RYR3: variants seen among roughly 807,000 people sequenced by gnomAD.
The protein encoded by RYR3 is brain ryanodine receptor-calcium release channel.
RYR3 carries 207 observed loss-of-function variants against 584.3 expected under a neutral mutation model. The ratio of observed to expected loss-of-function variants is 0.35; its 90% CI spans 0.32 to 0.40. The LOEUF (loss-of-function observed/expected upper bound fraction) is 0.40. Ranked by LOEUF, RYR3 falls within the 10% of genes least tolerant of loss-of-function variation. The probability of loss-of-function intolerance (pLI) is 1.00; values close to 1 mark genes in which losing one functional copy is unlikely to be tolerated. For missense variants in RYR3, 5,616 were observed against 6,089.2 expected, an observed-to-expected ratio of 0.92 and a Z score of 2.59; for synonymous variants, 2,416 against 2,248.5, an observed-to-expected ratio of 1.07 and a Z score of -2.11.
At chr15:33,689,978 G>A (rs2065298416) in intron 38 of RYR3, among the ~76,000 whole-genome samples, 1 of 152,196 alleles carries the variant, frequency 6.6e-6, no homozygotes, top group Non-Finnish European at 1.5e-5. Flanking sequence ...CTAACTTAGA[G>A]GTGGCACGAC....
intron 1 of RYR3, among the ~76,000 whole-genome samples, chr15:33,314,532 C>G (rs185864268): frequency 3.9e-5 from 6 of 152,158 alleles, no homozygotes; most frequent in Non-Finnish European, 5.9e-5. Context: ...AAACACAAAA[C>G]GAAACAAAAC....
chr15:33,815,776 T>A (rs1462634685), intron 74 of RYR3: 1 of 398,006 alleles, frequency 2.5e-6, no homozygotes, highest in Non-Finnish European at 4.4e-6. Context: ...TTTGTTTTAT[T>A]ATGGGAAACT....
At chr15:33,473,087 T>A (rs771807939) in intron 1 of RYR3, among the ~76,000 whole-genome samples, 1 of 152,174 alleles carries the variant, frequency 6.6e-6, no homozygotes, top group Non-Finnish European at 1.5e-5. Context: ...AGAGATTGTA[T>A]AAATTTGCTT....
intron 60 of RYR3, among the ~76,000 whole-genome samples, chr15:33,765,897 A>G (rs537809731): frequency 6.6e-6 from 1 of 152,300 alleles, no homozygotes; most frequent in South Asian, 2.1e-4. Context: ...CCTGTGTAGT[A>G]TGATCTCCAT....
chr15:33,814,551 G>A (rs1399405733), intron 74 of RYR3, among the ~76,000 whole-genome samples: 3 of 152,052 alleles, frequency 2.0e-5, no homozygotes, highest in East Asian at 1.9e-4. Context: ...CTATAACCTC[G>A]TCCTGAGCCA....
At chr15:33,849,841 T>A (rs2090296077) in intron 94 of RYR3, 2 of 152,240 alleles carry the variant, frequency 1.3e-5, no homozygotes, top group Admixed American at 1.3e-4. Context: ...AAAGGAAGCC[T>A]CTTCCCTTAG....
chr15:33,704,834 G>A (rs567630634), intron 42 of RYR3, among the ~76,000 whole-genome samples: 5 of 152,288 alleles, frequency 3.3e-5, no homozygotes, highest in African/African-American at 1.2e-4. Context: ...AGAAATGGGC[G>A]CTTTGGGAAA....
At chr15:33,503,796 C>G (rs2052219749) in intron 3 of RYR3, 58 bp downstream of exon 3, 1 of 968,498 alleles carries the variant, frequency 1.0e-6, no homozygotes, top group African/African-American at 1.6e-5. Context: ...CCCCAAAATA[C>G]GTTCTACATT....
intron 1 of RYR3, among the ~76,000 whole-genome samples, chr15:33,335,596 C>A (rs895871030): frequency 6.6e-6 from 1 of 151,966 alleles, no homozygotes; most frequent in Non-Finnish European, 1.5e-5. Context: ...GTGATGAAAT[C>A]ATCTGTACAG....
chr15:33,765,360 C>T (rs902550402), intron 60 of RYR3, among the ~76,000 whole-genome samples: 5 of 152,062 alleles, frequency 3.3e-5, no homozygotes, highest in African/African-American at 7.2e-5. Context: ...AGGCCAGGCG[C>T]GGTGGCTCAC....
chr15:33,767,726 T>TC (rs2073218989), intron 60 of RYR3, among the ~76,000 whole-genome samples: 2 of 152,196 alleles, frequency 1.3e-5, no homozygotes, highest in Non-Finnish European at 2.9e-5. Context: ...TCTTCTTTTT[T>TC]CCCTCTTTCT....
chr15:33,757,398 A>T (rs1459170529), intron 59 of RYR3, 77 bp from the exon 60 acceptor site: 1 of 1,501,312 alleles, frequency 6.7e-7, no homozygotes, highest in Non-Finnish European at 9.0e-7. Flanking sequence ...TGCTCACTGA[A>T]AATAAACACT....
chr15:33,850,414 C>G (rs2079021045), intron 94 of RYR3: 1 of 150,892 alleles, frequency 6.6e-6, no homozygotes, highest in Admixed American at 6.6e-5. Context: ...CAATTTCTAG[C>G]AATGTATCCT....
intron 1 of RYR3, among the ~76,000 whole-genome samples, chr15:33,372,171 G>A (rs1431221099): frequency 6.6e-6 from 1 of 152,080 alleles, no homozygotes; most frequent in Non-Finnish European, 1.5e-5. Context: ...TGAAGAAACA[G>A]GTTTTGATAT....
intron 29 of RYR3, 52 bp downstream of exon 29, chr15:33,646,578 G>A: frequency 4.0e-6 from 6 of 1,512,338 alleles, no homozygotes; most frequent in Non-Finnish European, 5.4e-6. Context: ...CTCCTGTAAA[G>A]TGGGCTTTCT....
intron 43 of RYR3, among the ~76,000 whole-genome samples, chr15:33,713,411 G>T (rs550538214): frequency 6.6e-6 from 1 of 151,846 alleles, no homozygotes; most frequent in African/African-American, 2.4e-5. Flanking sequence ...GATGGTGGTG[G>T]CTGATGATGA....
At chr15:33,833,010 A>G (rs993886184) in intron 86 of RYR3, among the ~76,000 whole-genome samples, 3 of 145,658 alleles carry the variant, frequency 2.1e-5, no homozygotes, top group Non-Finnish European at 3.1e-5. Flanking sequence ...CTCAAAAAAA[A>G]AAAAAAAAAA....
chr15:33,416,725 T>G (rs1198616470), intron 1 of RYR3, among the ~76,000 whole-genome samples: 1 of 152,220 alleles, frequency 6.6e-6, no homozygotes, highest in Non-Finnish European at 1.5e-5. Flanking sequence ...TTGTTTCTGT[T>G]ACATTTGCTT....
intron 5 of RYR3, among the ~76,000 whole-genome samples, chr15:33,534,155 C>G (rs2055119898): frequency 6.6e-6 from 1 of 152,194 alleles, no homozygotes; most frequent in African/African-American, 2.4e-5. Flanking sequence ...AATCCCAGCA[C>G]TTTGGGAGGC....
Sources: gnomAD v4.1 joint callset for allele counts (sites outside exome capture counted in the v4.1 genomes callset) on GRCh38, gnomAD v4.1.1 for gene constraint, MANE v1.5 for transcripts, NCBI Gene and HGNC (gene_info 2026-07-23, HGNC 2026-07-21) for gene names.